The following AGBL4 variants were observed in gnomAD, a reference collection of about 807,000 sequenced individuals.
AGBL4 encodes cytosolic carboxypeptidase 6.
In AGBL4, 58 loss-of-function variants were observed where a neutral mutation model predicts 66.4. The ratio of observed to expected loss-of-function variants is 0.87; its 90% CI spans 0.71 to 1.09. The LOEUF (loss-of-function observed/expected upper bound fraction) is 1.09, where lower values mean the gene tolerates loss of function less well. AGBL4 is among the 50% of genes least tolerant of loss of function. AGBL4 has a pLI of 0.00. For synonymous variants in AGBL4, 234 were observed against 222.9 expected (o/e 1.05, Z -0.44); for missense variants, 579 against 631.0 (o/e 0.92, Z 0.88).
At chr1:49,178,953 A>G (rs1355306325) in intron 4 of AGBL4, among the ~76,000 whole-genome samples, 1 of 152,236 alleles carries the variant, frequency 6.6e-6, no homozygotes, top group Non-Finnish European at 1.5e-5. Context: ...TCAAAGCTGC[A>G]TAGTTCCATC....
intron 9 of AGBL4, among the ~76,000 whole-genome samples, chr1:48,594,650 T>G (rs1463285395): frequency 2.0e-5 from 3 of 152,194 alleles, no homozygotes; most frequent in Admixed American, 2.0e-4. Context: ...ATTTTATTAT[T>G]TTGTTGTTTA....
chr1:48,820,899 A>T (rs1436247012), intron 6 of AGBL4, among the ~76,000 whole-genome samples: 1 of 152,174 alleles, frequency 6.6e-6, no homozygotes, highest in Non-Finnish European at 1.5e-5. Context: ...CAAACAATTC[A>T]ACAAGAAAAA....
At chr1:49,837,972 G>A (rs940433373) in intron 2 of AGBL4, among the ~76,000 whole-genome samples, 2 of 152,170 alleles carry the variant, frequency 1.3e-5, no homozygotes, top group African/African-American at 4.8e-5. Flanking sequence ...AGTAACCCCA[G>A]GGAATCAATG....
At chr1:48,918,841 T>C (rs766760964) in intron 5 of AGBL4, among the ~76,000 whole-genome samples, 6 of 152,182 alleles carry the variant, frequency 3.9e-5, no homozygotes, top group Non-Finnish European at 1.5e-5. Flanking sequence ...TAGTGACTCA[T>C]TGTGGACTTG....
intron 4 of AGBL4, among the ~76,000 whole-genome samples, chr1:49,235,453 G>A (rs1650651543): frequency 6.6e-6 from 1 of 152,150 alleles, no homozygotes. Context: ...TTTTCTTGGA[G>A]TAAAGGCAAA....
chr1:49,663,521 T>A (rs1453169025), intron 3 of AGBL4, among the ~76,000 whole-genome samples: 3 of 152,168 alleles, frequency 2.0e-5, no homozygotes, highest in African/African-American at 7.2e-5. Context: ...ATGTGGAGGA[T>A]AACCACCAGC....
intron 3 of AGBL4, among the ~76,000 whole-genome samples, chr1:49,382,039 A>T (rs759179677): frequency 6.6e-6 from 1 of 152,106 alleles, no homozygotes; most frequent in Non-Finnish European, 1.5e-5. Flanking sequence ...TCCTGTAGCC[A>T]CTGAAACACT....
At chr1:49,802,098 C>T (rs556346174) in intron 2 of AGBL4, among the ~76,000 whole-genome samples, 6 of 152,272 alleles carry the variant, frequency 3.9e-5, no homozygotes, top group African/African-American at 9.6e-5. Flanking sequence ...ACTGCCAGAA[C>T]GAGCCAACAG....
At chr1:49,477,645 C>T (rs758977446) in intron 3 of AGBL4, among the ~76,000 whole-genome samples, 7 of 151,986 alleles carry the variant, frequency 4.6e-5, no homozygotes, top group Non-Finnish European at 1.0e-4. Flanking sequence ...AAATAACAAA[C>T]TTTTCAGTGC....
intron 4 of AGBL4, among the ~76,000 whole-genome samples, chr1:49,153,019 G>T (rs1271560011): frequency 6.6e-6 from 1 of 152,136 alleles, no homozygotes; most frequent in Non-Finnish European, 1.5e-5. Flanking sequence ...AACATGGAAG[G>T]GGAGAGGTGG....
chr1:49,607,452 C>T (rs893811584), intron 3 of AGBL4, among the ~76,000 whole-genome samples: 2 of 152,120 alleles, frequency 1.3e-5, no homozygotes, highest in African/African-American at 2.4e-5. Context: ...GCATATTCAT[C>T]AATATTCCTT....
At chr1:48,864,581 T>A (rs990346539) in intron 6 of AGBL4, among the ~76,000 whole-genome samples, 1 of 152,170 alleles carries the variant, frequency 6.6e-6, no homozygotes, top group Non-Finnish European at 1.5e-5. Context: ...TAACAGCAAT[T>A]AAAATAAATG....
intron 3 of AGBL4, among the ~76,000 whole-genome samples, chr1:49,485,256 A>C (rs944127540): frequency 6.6e-6 from 1 of 151,946 alleles, no homozygotes; most frequent in Non-Finnish European, 1.5e-5. Flanking sequence ...GCATATATAC[A>C]CCATGGAATA....
At chr1:49,559,125 T>C (rs958183757) in intron 3 of AGBL4, among the ~76,000 whole-genome samples, 2 of 152,152 alleles carry the variant, frequency 1.3e-5, no homozygotes, top group Admixed American at 1.3e-4. Flanking sequence ...TGAGATCCAG[T>C]GCTGTGATGG....
chr1:49,708,111 T>G (rs1647351240), intron 2 of AGBL4, among the ~76,000 whole-genome samples: 1 of 152,180 alleles, frequency 6.6e-6, no homozygotes, highest in Admixed American at 6.5e-5. Flanking sequence ...TTCACTAGGT[T>G]GGGGACGTTC....
intron 3 of AGBL4, among the ~76,000 whole-genome samples, chr1:49,292,413 G>A (rs1261498922): frequency 1.3e-5 from 2 of 152,192 alleles, no homozygotes; most frequent in Admixed American, 1.3e-4. Flanking sequence ...TGGCCATGCT[G>A]CCAGTCCTGC....
chr1:49,854,244 A>C (rs1646377810), intron 1 of AGBL4, among the ~76,000 whole-genome samples: 1 of 151,888 alleles, frequency 6.6e-6, no homozygotes, highest in East Asian at 2.0e-4. Context: ...ACAACCACAC[A>C]TCAAATAAAG....
chr1:49,524,560 A>G (rs562329277), intron 3 of AGBL4, among the ~76,000 whole-genome samples: 1 of 152,264 alleles, frequency 6.6e-6, no homozygotes, highest in African/African-American at 2.4e-5. Context: ...GACCAGTGCC[A>G]TACTGGAATA....
intron 9 of AGBL4, among the ~76,000 whole-genome samples, chr1:48,625,332 A>G (rs1645486064): frequency 1.3e-5 from 2 of 151,756 alleles, no homozygotes; most frequent in African/African-American, 4.9e-5. Flanking sequence ...GGTTTTAATA[A>G]GTGATTTTCT....
Sources: gnomAD v4.1 joint callset for allele counts (sites outside exome capture counted in the v4.1 genomes callset) on GRCh38, gnomAD v4.1.1 for gene constraint, MANE v1.5 for transcripts, NCBI Gene and HGNC (gene_info 2026-07-23, HGNC 2026-07-21) for gene names.